EXT1: variants seen among roughly 807,000 people sequenced by gnomAD.
EXT1 encodes exostosin-1.
In EXT1, 20 loss-of-function variants were observed where a neutral mutation model predicts 82.5. That is an observed-to-expected ratio of 0.24 (90% CI 0.17 to 0.35). EXT1 has a LOEUF of 0.35. Among genes scored for constraint, EXT1 ranks in the 10% least tolerant of loss-of-function variants. The pLI, the probability that EXT1 is intolerant of heterozygous loss-of-function variation, is 1.00. For synonymous variants in EXT1, 348 were observed against 350.8 expected (o/e 0.99, Z 0.09); for missense variants, 757 against 936.5 (o/e 0.81, Z 2.50).
chr8:117,944,959 G>C (rs1417101418), intron 1 of EXT1, among the ~76,000 whole-genome samples: 3 of 151,984 alleles, frequency 2.0e-5, no homozygotes, highest in Admixed American at 2.0e-4. Flanking sequence ...TCAGGAGATC[G>C]AGACCATCCT....
chr8:117,910,700 T>C (rs564589728), intron 1 of EXT1, among the ~76,000 whole-genome samples: 4 of 152,340 alleles, frequency 2.6e-5, no homozygotes, highest in South Asian at 2.1e-4. Flanking sequence ...CCAAGTGTCA[T>C]TGTCCTCATT....
chr8:118,041,816 C>G (rs1427299574), intron 1 of EXT1, among the ~76,000 whole-genome samples: 2 of 152,014 alleles, frequency 1.3e-5, no homozygotes, highest in African/African-American at 4.8e-5. Context: ...GGCGTGGTGG[C>G]ACATGCCTGT....
At chr8:117,858,840 GGAAGGAAAGAAAGAAAGAAAGAAAGAAA>G (rs1563582217) in intron 1 of EXT1, among the ~76,000 whole-genome samples, 9 of 58,318 alleles carry the variant, frequency 1.5e-4, no homozygotes, top group African/African-American at 5.6e-4. Context: ...AAGGAAGGAA[GGAAGGAAAGAAAGAAAGAAAGAAAGAAA>G]GAAAGAAAGA....
intron 1 of EXT1, among the ~76,000 whole-genome samples, chr8:117,910,032 C>T (rs1415424935): frequency 2.0e-5 from 3 of 152,162 alleles, no homozygotes; most frequent in Non-Finnish European, 4.4e-5. Context: ...CCTCCCAAAG[C>T]GTTGGGATTA....
chr8:118,009,543 G>C (rs1443475044), intron 1 of EXT1, among the ~76,000 whole-genome samples: 1 of 152,190 alleles, frequency 6.6e-6, no homozygotes, highest in Non-Finnish European at 1.5e-5. Context: ...TCTGCAGCAG[G>C]GGGCCCCAAC....
chr8:117,850,878 T>C (rs560219107), intron 1 of EXT1, among the ~76,000 whole-genome samples: 1 of 152,246 alleles, frequency 6.6e-6, no homozygotes, highest in South Asian at 2.1e-4. Context: ...GGGTAGACCA[T>C]TGGTGTGTGT....
rs76603199 is a variant in EXT1 at position 117,837,306 on chromosome 8, G to A, written c.963-105C>T. Reference sequence around the variant, plus strand: ...TGCATGAATTTACGCAAAGCAACTCGGGAAAGCCACCAGCAGGCAGCTCTC... The same window carrying A: ...TGCATGAATTTACGCAAAGCAACTCAGGAAAGCCACCAGCAGGCAGCTCTC... On this transcript the variant is annotated intron_variant, in intron 1 of 10. Transcript: ENST00000378204. The A allele has an allele frequency of 4.5e-4, 409 of 900,194 alleles. 2 individuals are homozygous for A. In the East Asian group the frequency reaches 9.4e-3, roughly 21 times the overall value. 55.8% of individuals were successfully genotyped at this position (900,194 alleles called of 1,614,324 possible).
chr8:117,900,101 G>C (rs931822226), intron 1 of EXT1, among the ~76,000 whole-genome samples: 4 of 152,202 alleles, frequency 2.6e-5, no homozygotes, highest in African/African-American at 9.6e-5. Flanking sequence ...TGAGAAAACA[G>C]TTCGCTTCCA....
At chr8:118,093,909 A>G (rs995894355) in intron 1 of EXT1, among the ~76,000 whole-genome samples, 7 of 152,254 alleles carry the variant, frequency 4.6e-5, no homozygotes, top group African/African-American at 1.4e-4. Context: ...ATCCTCAAGA[A>G]GAAGCCATCA....
At chr8:117,800,042 G>T in intron 10 of EXT1, 145 bp from the exon 11 acceptor site, 2 of 767,530 alleles carry the variant, frequency 2.6e-6, no homozygotes, top group Non-Finnish European at 4.3e-6. Context: ...CTATGCACCT[G>T]CTGAAAATGC....
intron 1 of EXT1, among the ~76,000 whole-genome samples, chr8:117,932,373 C>T (rs1019683654): frequency 6.6e-6 from 1 of 152,128 alleles, no homozygotes; most frequent in African/African-American, 2.4e-5. Flanking sequence ...ATTTTGTTCA[C>T]AGAAGACTAG....
intron 1 of EXT1, among the ~76,000 whole-genome samples, chr8:117,873,107 T>G (rs1168391218): frequency 6.6e-6 from 1 of 152,184 alleles, no homozygotes. Flanking sequence ...GCAGAATGAT[T>G]CTTCACCATC....
chr8:117,812,869 T>C lies in EXT1; in HGVS notation c.1722+3A>G, dbSNP rs564231515. The C allele has an allele frequency of 6.2e-7, 1 of 1,613,872 alleles. No individual in the cohort carries two copies. Among genetic ancestry groups the C allele is most frequent in the South Asian group, 1.1e-5 (1 of 90,988 alleles). On this transcript the variant is annotated splice_donor_region_variant and intron_variant, in intron 8 of 10. Coordinates refer to ENST00000378204, the MANE Select transcript of EXT1 (RefSeq NM_000127.3). ...CTGCTGCTCCTCAGGCATGGGTTCT[T>C]ACCTCTGTTGTTGAAAGCACCGTGT...
chr8:117,962,636 C>T (rs1814723740), intron 1 of EXT1, among the ~76,000 whole-genome samples: 1 of 152,074 alleles, frequency 6.6e-6, no homozygotes, highest in Admixed American at 6.6e-5. Context: ...GCCTGTAATC[C>T]CAGCTCCTTG....
At chr8:117,807,155 T>G in intron 9 of EXT1, 62 bp downstream of exon 9, 7 of 1,603,590 alleles carry the variant, frequency 4.4e-6, no homozygotes, top group Non-Finnish European at 6.0e-6. Context: ...AGTTCCTATT[T>G]ATGCAGCAGC....
intron 1 of EXT1, among the ~76,000 whole-genome samples, chr8:118,076,848 GA>G (rs1158339496): frequency 2.6e-5 from 4 of 152,074 alleles, no homozygotes; most frequent in African/African-American, 9.7e-5. Context: ...CATATAGATA[GA>G]AAATCAAGAA....
At chr8:118,055,879 C>G (rs1168813904) in intron 1 of EXT1, among the ~76,000 whole-genome samples, 2 of 152,098 alleles carry the variant, frequency 1.3e-5, no homozygotes, top group African/African-American at 4.8e-5. Flanking sequence ...ACAGAAATTC[C>G]TATGATTTCT....
chr8:117,804,941 G>T, intron 9 of EXT1, 48 bp from the exon 10 acceptor site: 1 of 1,585,720 alleles, frequency 6.3e-7, no homozygotes, highest in South Asian at 1.1e-5. Context: ...ATCACATGAT[G>T]ACAAGTGGAC....
intron 1 of EXT1, among the ~76,000 whole-genome samples, chr8:117,896,942 C>T (rs1443813778): frequency 6.6e-6 from 1 of 152,122 alleles, no homozygotes; most frequent in Non-Finnish European, 1.5e-5. Flanking sequence ...GGGTCCCAGC[C>T]CCCCAGCCTC....
Sources: allele counts gnomAD v4.1 joint callset (sites outside exome capture counted in the v4.1 genomes callset), GRCh38; gene constraint gnomAD v4.1.1; transcripts MANE v1.5; gene names NCBI Gene and HGNC (gene_info 2026-07-23, HGNC 2026-07-21).